PSD3: variants seen among roughly 807,000 people sequenced by gnomAD.
The protein encoded by PSD3 is PH and SEC7 domain-containing protein 3.
A neutral mutation model predicts 105.5 loss-of-function variants in PSD3; 49 were observed. That is an observed-to-expected ratio of 0.46 (90% CI 0.37 to 0.59). The LOEUF is 0.59. PSD3 is among the 20% of genes least tolerant of loss of function. The pLI is 0.00. For synonymous variants in PSD3, 557 were observed against 457.8 expected, an observed-to-expected ratio of 1.22 and a Z score of -2.77; for missense variants, 1,561 against 1,263.8, an observed-to-expected ratio of 1.24 and a Z score of -3.57.
intron 4 of PSD3, among the ~76,000 whole-genome samples, chr8:18,806,231 A>C (rs547560779): frequency 3.3e-5 from 5 of 152,326 alleles, no homozygotes; most frequent in African/African-American, 1.2e-4. Flanking sequence ...CTTAAGTTCT[A>C]CTAAGACCTC....
At chr8:18,741,860 T>C (rs1049761347) in intron 9 of PSD3, among the ~76,000 whole-genome samples, 1 of 149,016 alleles carries the variant, frequency 6.7e-6, no homozygotes, top group African/African-American at 2.5e-5. Context: ...ATAGTGACTG[T>C]TGCAAACAGA....
intron 1 of PSD3, among the ~76,000 whole-genome samples, chr8:19,021,440 C>T (rs1032120558): frequency 6.6e-6 from 1 of 151,730 alleles, no homozygotes; most frequent in East Asian, 1.9e-4. Flanking sequence ...ATACTCACTC[C>T]CAATTTTTTT....
At chr8:18,631,986 ATTC>A (rs1398330554) in intron 11 of PSD3, among the ~76,000 whole-genome samples, 2 of 152,020 alleles carry the variant, frequency 1.3e-5, no homozygotes, top group African/African-American at 4.8e-5. Flanking sequence ...AGCATGCTCT[ATTC>A]TTCTCAAACT....
chr8:18,693,737 G>T (rs1563176474), intron 9 of PSD3, among the ~76,000 whole-genome samples: 1 of 152,210 alleles, frequency 6.6e-6, no homozygotes, highest in Non-Finnish European at 1.5e-5. Flanking sequence ...TCTGCACTCA[G>T]CCTCCTTGGT....
chr8:18,791,216 A>T (rs1390972109), intron 8 of PSD3, among the ~76,000 whole-genome samples: 2 of 152,216 alleles, frequency 1.3e-5, no homozygotes, highest in Admixed American at 1.3e-4. Context: ...TCATTTAATT[A>T]GAAAAAAACT....
At chr8:18,650,773 T>G (rs979112703) in intron 10 of PSD3, among the ~76,000 whole-genome samples, 3 of 152,242 alleles carry the variant, frequency 2.0e-5, no homozygotes, top group Admixed American at 2.0e-4. Context: ...GAGCATTTAA[T>G]GAGACTAGCA....
At chr8:18,868,140 T>C in intron 3 of PSD3, 71 bp from the exon 4 acceptor site, 2 of 1,439,158 alleles carry the variant, frequency 1.4e-6, no homozygotes, top group African/African-American at 2.9e-5. Context: ...TTCAACCATA[T>C]AAAAAGGACA....
At chr8:18,881,000 A>C (rs1237690523) in intron 2 of PSD3, among the ~76,000 whole-genome samples, 1 of 152,202 alleles carries the variant, frequency 6.6e-6, no homozygotes, top group African/African-American at 2.4e-5. Flanking sequence ...GAGTTTTCAC[A>C]TTCATGTGAA....
At chr8:18,748,222 AT>A (rs567969261) in intron 9 of PSD3, among the ~76,000 whole-genome samples, 150 of 152,272 alleles carry the variant, frequency 9.9e-4, no homozygotes, top group Middle Eastern at 3.4e-3. Context: ...CATCCTTTGT[AT>A]TTTTCAAAGG....
intron 9 of PSD3, among the ~76,000 whole-genome samples, chr8:18,694,886 T>C (rs919492864): frequency 2.0e-5 from 3 of 152,148 alleles, no homozygotes; most frequent in Admixed American, 6.5e-5. Flanking sequence ...CAAGGGATCC[T>C]TGGAGCTGGC....
At chr8:18,652,222 T>A (rs1225908411) in intron 10 of PSD3, among the ~76,000 whole-genome samples, 2 of 152,174 alleles carry the variant, frequency 1.3e-5, no homozygotes, top group South Asian at 4.1e-4. Flanking sequence ...AAACACTGAA[T>A]TGAAACTTGG....
At chr8:18,749,528 A>C (rs1184625777) in intron 9 of PSD3, among the ~76,000 whole-genome samples, 1 of 152,220 alleles carries the variant, frequency 6.6e-6, no homozygotes, top group East Asian at 1.9e-4. Context: ...ACTGCTAAGA[A>C]GGCACACGGC....
At chr8:19,052,697 G>C (rs1586671245) in intron 1 of PSD3, among the ~76,000 whole-genome samples, 1 of 152,078 alleles carries the variant, frequency 6.6e-6, no homozygotes, top group African/African-American at 2.4e-5. Context: ...ATCAGAATGG[G>C]TCAGATTGTC....
intron 1 of PSD3, among the ~76,000 whole-genome samples, chr8:18,976,397 G>A (rs971145205): frequency 6.6e-6 from 1 of 152,108 alleles, no homozygotes; most frequent in Non-Finnish European, 1.5e-5. Flanking sequence ...GACTAGAAAG[G>A]TACAGTGACA....
At chr8:18,948,345 T>A (rs1021105487) in intron 1 of PSD3, among the ~76,000 whole-genome samples, 1 of 152,186 alleles carries the variant, frequency 6.6e-6, no homozygotes, top group Non-Finnish European at 1.5e-5. Context: ...GCTCTCCACG[T>A]TGGGAGAGCA....
chr8:18,563,891 A>G (rs1293395772), intron 14 of PSD3, among the ~76,000 whole-genome samples: 1 of 152,174 alleles, frequency 6.6e-6, no homozygotes, highest in Non-Finnish European at 1.5e-5. Context: ...AGAGATCACA[A>G]GTGGTTACAG....
intron 9 of PSD3, among the ~76,000 whole-genome samples, chr8:18,713,364 A>C (rs1802375743): frequency 6.6e-6 from 1 of 152,152 alleles, no homozygotes; most frequent in Admixed American, 6.5e-5. Flanking sequence ...AGATGATATA[A>C]ACCTATATCT....
chr8:18,852,868 G>A (rs999524186), intron 4 of PSD3, among the ~76,000 whole-genome samples: 1 of 152,162 alleles, frequency 6.6e-6, no homozygotes, highest in Non-Finnish European at 1.5e-5. Context: ...TAGAGCAGAA[G>A]GAACTATGGT....
chr8:19,043,527 A>T (rs746953741), intron 1 of PSD3, among the ~76,000 whole-genome samples: 12 of 152,106 alleles, frequency 7.9e-5, no homozygotes, highest in Non-Finnish European at 1.6e-4. Flanking sequence ...AAATAACATG[A>T]CCACATATTG....
Sources: gnomAD v4.1 joint callset for allele counts (sites outside exome capture counted in the v4.1 genomes callset) on GRCh38, gnomAD v4.1.1 for gene constraint, MANE v1.5 for transcripts, NCBI Gene and HGNC (gene_info 2026-07-23, HGNC 2026-07-21) for gene names.